The following ETV1 variants were observed in gnomAD, a reference collection of about 807,000 sequenced individuals.
The protein encoded by ETV1 is ETS variant transcription factor 1.
In ETV1, 27 loss-of-function variants were observed where a neutral mutation model predicts 62.3. The ratio of observed to expected loss-of-function variants is 0.43; its 90% CI spans 0.32 to 0.60. The LOEUF is 0.60. Among genes scored for constraint, ETV1 ranks in the 20% least tolerant of loss-of-function variants. ETV1 has a pLI of 0.06. For missense variants in ETV1, 605 were observed against 605.8 expected (o/e 1.00, Z 0.01); for synonymous variants, 222 against 199.6 (o/e 1.11, Z -0.94).
chr7:13,930,290 C>G (rs1162961570), intron 9 of ETV1, among the ~76,000 whole-genome samples: 1 of 151,996 alleles, frequency 6.6e-6, no homozygotes, highest in Non-Finnish European at 1.5e-5. Context: ...TCTCAAGGTT[C>G]AAATATTGGC....
At chr7:13,990,181 C>A (rs1782921829), upstream of ETV1, among the ~76,000 whole-genome samples, 1 of 152,124 alleles carries the variant, frequency 6.6e-6, no homozygotes, top group South Asian at 2.1e-4. Flanking sequence ...GCTTTTGGCC[C>A]AATTTATTTT....
intron 7 of ETV1, among the ~76,000 whole-genome samples, chr7:13,937,438 G>C (rs192517295): frequency 6.6e-5 from 10 of 152,000 alleles, no homozygotes; most frequent in Non-Finnish European, 1.3e-4. Context: ...GGAAGTACCA[G>C]AATTTATTGC....
intron 6 of ETV1, among the ~76,000 whole-genome samples, chr7:13,976,342 T>C (rs2128499709): frequency 6.6e-6 from 1 of 152,268 alleles, no homozygotes; most frequent in Non-Finnish European, 1.5e-5. Flanking sequence ...ACTACAAACT[T>C]AAAAATAGTT....
intron 6 of ETV1, among the ~76,000 whole-genome samples, chr7:13,976,731 C>T (rs764151820): frequency 4.6e-5 from 7 of 152,260 alleles, no homozygotes; most frequent in South Asian, 2.1e-4. Context: ...AAGGCAACCA[C>T]GTTTGTACAG....
At chr7:13,972,863 C>T (rs1023783751) in intron 6 of ETV1, among the ~76,000 whole-genome samples, 1 of 152,128 alleles carries the variant, frequency 6.6e-6, no homozygotes, top group Non-Finnish European at 1.5e-5. Flanking sequence ...TCCACTTCAG[C>T]CTTCCAAAGT....
At chr7:13,918,183 T>G (rs116329519) in intron 9 of ETV1, among the ~76,000 whole-genome samples, 1 of 152,152 alleles carries the variant, frequency 6.6e-6, no homozygotes, top group African/African-American at 2.4e-5. Context: ...TCAGATAACT[T>G]TTTCTATTTG....
At chr7:13,986,006 T>C in intron 5 of ETV1, 1 of 875,612 alleles carries the variant, frequency 1.1e-6, no homozygotes, top group Non-Finnish European at 1.8e-6. Flanking sequence ...ATAGCAAAGG[T>C]CAATTTCAGC....
intron 6 of ETV1, among the ~76,000 whole-genome samples, chr7:13,964,494 T>G (rs1392987511): frequency 6.6e-6 from 1 of 152,092 alleles, no homozygotes; most frequent in East Asian, 1.9e-4. Context: ...TGGTATTGGT[T>G]TATAGATCAC....
At position 13,895,438 on chromosome 7, in the gene ETV1, A is replaced by C. The variant is rs1479674635; in HGVS notation, c.*428T>G. On this transcript the variant is annotated 3_prime_UTR_variant, in exon 14 of 14. Transcript: ENST00000430479. ...CATAAATGACAGGGGAAAATGCCCA[A>C]GGCAAATAGTCTCCAAGTGGATATT... 1 of 240,412 alleles carries C rather than the reference A, an allele frequency of 4.2e-6. No individual in the cohort carries two copies. Among genetic ancestry groups the C allele is most frequent in the African/African-American group, 2.2e-5 (1 of 45,446 alleles). The allele number at this position is 240,412 out of a possible 1,614,324, so 14.9% of individuals were successfully genotyped here. A position where few individuals can be genotyped will look rare whatever the true frequency, so the allele number is the denominator to read the frequency against.
At chr7:13,896,341 G>A (rs905922991) in intron 13 of ETV1, among the ~76,000 whole-genome samples, 10 of 152,098 alleles carry the variant, frequency 6.6e-5, no homozygotes, top group African/African-American at 2.2e-4. Flanking sequence ...ATATAGCTAG[G>A]AAGCACAGGA....
intron 6 of ETV1, among the ~76,000 whole-genome samples, chr7:13,945,705 T>A (rs1384256729): frequency 2.6e-5 from 4 of 152,118 alleles, no homozygotes; most frequent in Non-Finnish European, 5.9e-5. Flanking sequence ...TAGAGAGGGC[T>A]GAGTTGAAAA....
chr7:13,978,195 G>C (rs377088679), intron 5 of ETV1, among the ~76,000 whole-genome samples: 24 of 152,224 alleles, frequency 1.6e-4, no homozygotes, highest in Middle Eastern at 3.4e-3. Flanking sequence ...TAGTTCGTCA[G>C]TCCTCATGTC....
At chr7:13,926,586 G>C (rs2128443247) in intron 9 of ETV1, among the ~76,000 whole-genome samples, 1 of 152,220 alleles carries the variant, frequency 6.6e-6, no homozygotes, top group East Asian at 1.9e-4. Flanking sequence ...CACTTCTTAT[G>C]TGGGCATTTG....
intron 9 of ETV1, among the ~76,000 whole-genome samples, chr7:13,922,216 T>C (rs1267147271): frequency 6.6e-6 from 1 of 152,116 alleles, no homozygotes; most frequent in African/African-American, 2.4e-5. Flanking sequence ...TCTATAACTA[T>C]ATAAGAGGGA....
Position 13,926,549 on chromosome 7 carries a change from C to T in ETV1, c.802+4953G>A, listed in dbSNP as rs186657187. Among the ~76,000 whole-genome samples the T allele has an allele frequency of 2.9e-3, 441 of 152,218 alleles. 9 individuals are homozygous for T. The highest frequency in any genetic ancestry group is 0.026 in the Admixed American group (400 of 15,296). On this transcript the variant is annotated intron_variant, in intron 9 of 13. Transcript: ENST00000430479. Reference sequence around the variant, plus strand: ...CTACGGGAATCTCCATGACGCACTCCAGATGAAGCACTCAATGTGTATTTA... The same window carrying T: ...CTACGGGAATCTCCATGACGCACTCTAGATGAAGCACTCAATGTGTATTTA...
At position 13,895,336 on chromosome 7, in the gene ETV1, G is replaced by A. The variant is rs1431523173; in HGVS notation, c.*530C>T. 4.3e-6 allele frequency: 1 copy of A among 234,252 alleles called. No homozygotes were observed. Among genetic ancestry groups the A allele is most frequent in the Admixed American group, 5.6e-5 (1 of 17,920 alleles). The allele number at this position is 234,252 out of a possible 1,614,324, so 14.5% of individuals were successfully genotyped here. A position where few individuals can be genotyped will look rare whatever the true frequency, so the allele number is the denominator to read the frequency against. On this transcript the variant is annotated 3_prime_UTR_variant, in exon 14 of 14. Transcript: ENST00000430479. ...ATCGCTAAATACCTTTTTACAAGTG[G>A]TGCAAAAACAGTCATTTCTAACAAT...
intron 13 of ETV1, among the ~76,000 whole-genome samples, chr7:13,896,437 G>C (rs75182998): frequency 0.011 from 1,695 of 152,214 alleles, 24 homozygotes; most frequent in African/African-American, 0.039. Flanking sequence ...CATATTGAAA[G>C]CTTTTTTTCT....
intron 8 of ETV1, among the ~76,000 whole-genome samples, chr7:13,935,171 T>C (rs1243746301): frequency 6.6e-6 from 1 of 152,230 alleles, no homozygotes; most frequent in African/African-American, 2.4e-5. Context: ...TCTATCTCTT[T>C]AATTGTATAT....
intron 5 of ETV1, 23 bp downstream of exon 5, chr7:13,986,614 CT>C (rs1782575915): frequency 6.2e-7 from 1 of 1,610,800 alleles, no homozygotes; most frequent in South Asian, 1.1e-5. Context: ...GCTTTCCCCC[CT>C]TTTAAAGCAA....
Sources: allele counts gnomAD v4.1 joint callset (sites outside exome capture counted in the v4.1 genomes callset), GRCh38; gene constraint gnomAD v4.1.1; transcripts MANE v1.5; gene names NCBI Gene and HGNC (gene_info 2026-07-23, HGNC 2026-07-21).